Variants in NADSYN1 observed in about 807,000 individuals in gnomAD.
NADSYN1 encodes the protein NAD synthetase 1, also known as glutamine-dependent NAD(+) synthetase.
Under a neutral mutation model 99.3 loss-of-function variants are expected in NADSYN1, and 80 were observed. That is an observed-to-expected ratio of 0.81 (90% CI 0.67 to 0.97). The LOEUF (loss-of-function observed/expected upper bound fraction) is 0.97. Among genes scored for constraint, NADSYN1 ranks in the 50% least tolerant of loss-of-function variants. The pLI, the probability that NADSYN1 is intolerant of heterozygous loss-of-function variation, is 0.00. For missense variants in NADSYN1, 859 were observed against 948.5 expected, an observed-to-expected ratio of 0.91 and a Z score of 1.24; for synonymous variants, 385 against 372.1, an observed-to-expected ratio of 1.03 and a Z score of -0.40.
intron 3 of NADSYN1, among the ~76,000 whole-genome samples, chr11:71,463,105 A>G (rs760989031): frequency 2.6e-5 from 4 of 152,212 alleles, no homozygotes; most frequent in Middle Eastern, 3.4e-3. Flanking sequence ...AGCATAAGGC[A>G]ATTTGGAAGG....
At chr11:71,476,975 G>A in intron 9 of NADSYN1, 1 of 1,024,866 alleles carries the variant, frequency 9.8e-7, no homozygotes, top group Non-Finnish European at 1.2e-6. Context: ...CCACAGGCCT[G>A]CTGTATTCAG....
At chr11:71,477,504 C>A in intron 9 of NADSYN1, 1 of 1,233,794 alleles carries the variant, frequency 8.1e-7, no homozygotes. Flanking sequence ...ATCCTGTGAA[C>A]CGCCGCAGTG....
chr11:71,454,611 C>T (rs1218663718), intron 1 of NADSYN1, among the ~76,000 whole-genome samples: 1 of 152,214 alleles, frequency 6.6e-6, no homozygotes, highest in East Asian at 1.9e-4. Flanking sequence ...ACTAAGTTTC[C>T]ACTCTGCCAG....
intron 18 of NADSYN1, among the ~76,000 whole-genome samples, chr11:71,494,157 C>A (rs1949803576): frequency 6.6e-6 from 1 of 152,196 alleles, no homozygotes; most frequent in South Asian, 2.1e-4. Flanking sequence ...TCCCATTCAC[C>A]CACCCCTCAC....
chr11:71,501,315 A>G lies in NADSYN1; in HGVS notation c.2084A>G (p.Glu695Gly). Residue 695 changes from glutamate to glycine, a missense_variant, in exon 21 of 21, where the codon GAG (glutamate) becomes GGG (glycine). By Grantham distance (98) the Glu-to-Gly change is moderately conservative. Coordinates refer to ENST00000319023, the MANE Select transcript of NADSYN1 (RefSeq NM_018161.5). ...RCIENQVLQL[E>G]RAEPQSLDGV... ...CTCTCTTTCCAGGTGCTACAGCTCG[A>G]GAGGGCAGAGCCACAGTCCCTGGAC... is the stretch of plus-strand genomic sequence containing the variant. 6.2e-7 allele frequency: 1 copy of G among 1,600,660 alleles called. No individual in the cohort carries two copies.
intron 18 of NADSYN1, among the ~76,000 whole-genome samples, chr11:71,493,011 C>G (rs995570636): frequency 6.6e-6 from 1 of 152,042 alleles, no homozygotes; most frequent in Non-Finnish European, 1.5e-5. Context: ...CCTCAGCCTC[C>G]GGAGTAGCTG....
Position 71,481,365 on chromosome 11 carries a change from T to G in NADSYN1, c.1008T>G (p.Pro336=). 6.2e-7 allele frequency: 1 copy of G among 1,614,080 alleles called. No individual in the cohort carries two copies. The highest frequency in any genetic ancestry group is 8.5e-7 in the Non-Finnish European group (1 of 1,180,030). Residue 336 remains proline, a synonymous_variant, in exon 12 of 21, where the codon CCT becomes CCG. Transcript: ENST00000319023. The part of the protein sequence containing the change: ...HSPEEEISLG[P]ACWLWDFLRR... Reference sequence around the variant, plus strand: ...TCTGATTGCCCTGCAGCCTTGGACCTGCCTGCTGGCTCTGGGATTTTTTAA... The same window carrying G: ...TCTGATTGCCCTGCAGCCTTGGACCGGCCTGCTGGCTCTGGGATTTTTTAA...
Position 71,491,103 on chromosome 11 carries a change from A to G in NADSYN1, c.1694+127A>G, listed in dbSNP as rs1949775964. 5 of 1,313,936 alleles carry G rather than the reference A, an allele frequency of 3.8e-6. No individual in the cohort carries two copies. The African/African-American group carries it at 4.4e-5, about 12-fold the overall frequency. The allele number at this position is 1,313,936 out of a possible 1,614,324, so 81.4% of individuals were successfully genotyped here. The stretch of plus-strand genomic sequence containing the variant: ...TGCCTGCTGAATGGTCCTGCCCCTG[A>G]GCTGGCACTTGAGGCCTGCAACCAA... On this transcript the variant is annotated intron_variant, in intron 17 of 20. Transcript: ENST00000319023.
chr11:71,474,429 G>T lies in NADSYN1; in HGVS notation c.701G>T (p.Gly234Val), dbSNP rs776994851. 6.2e-7 allele frequency: 1 copy of T among 1,614,208 alleles called. No individual in the cohort carries two copies. The part of the protein sequence containing the change: ...GGIYLLANQK[G>V]CDGDRLYYDG... Reference sequence around the variant, plus strand: ...ATTTACTTGCTGGCCAACCAGAAGGGTTGTGACGGGGACCGCCTGTACTAC... The same window carrying T: ...ATTTACTTGCTGGCCAACCAGAAGGTTTGTGACGGGGACCGCCTGTACTAC... Residue 234 changes from glycine (G) to valine (V), a missense_variant, in exon 9 of 21, where the codon GGT (glycine) becomes GTT (valine). Gly to Val is a moderately radical substitution (Grantham distance 109). Coordinates refer to ENST00000319023, the MANE Select transcript of NADSYN1 (RefSeq NM_018161.5).
At chr11:71,458,666 C>T (rs1949529209) in intron 3 of NADSYN1, 122 bp downstream of exon 3, 2 of 717,418 alleles carry the variant, frequency 2.8e-6, no homozygotes, top group Non-Finnish European at 4.9e-6. Context: ...ATACGAAAGG[C>T]CTTATGCTTG....
At chr11:71,478,361 A>G in intron 9 of NADSYN1, 34 bp from the exon 10 acceptor site, 1 of 1,542,334 alleles carries the variant, frequency 6.5e-7, no homozygotes, top group South Asian at 1.2e-5. Flanking sequence ...ACAAACGGGA[A>G]ATCACGGGTT....
chr11:71,498,322 C>T, intron 19 of NADSYN1, 30 bp from the exon 20 acceptor site: 1 of 1,612,010 alleles, frequency 6.2e-7, no homozygotes, highest in East Asian at 2.2e-5. Context: ...GTTTTGGTAA[C>T]ATGAAGCTCG....
rs745714604 is a variant in NADSYN1, at chr11:71,490,836, TCC to T, written c.1563-7_1563-6del. 6.2e-7 allele frequency: 1 copy of T among 1,613,946 alleles called. No homozygotes were observed. The highest frequency in any genetic ancestry group is 1.3e-5 in the African/African-American group (1 of 75,028). On this transcript the variant is annotated splice_region_variant and splice_polypyrimidine_tract_variant and intron_variant, in intron 16 of 20. Coordinates refer to ENST00000319023, the MANE Select transcript of NADSYN1 (RefSeq NM_018161.5). The stretch of plus-strand genomic sequence containing the variant: ...TGGGAACCCGCGCTCTTTCTCCCTC[TCC>T]CTGCAGTCTCCTGGGCTACCTGACC...
In NADSYN1 at chr11:71,469,927, G is replaced by GAAAAAAAAAAAAAAA. The variant is rs749801544; in HGVS notation, c.408-2519_408-2505dup. On this transcript the variant is annotated intron_variant, in intron 5 of 20. Transcript: ENST00000319023. ...GAAGACAGAACAAGAGCCTGTCTCA[G>GAAAAAAAAAAAAAAA]AAAAAAAAAAAAAAAAAGACGTGTG... is the stretch of plus-strand genomic sequence containing the variant. 2.9e-4 allele frequency among the ~76,000 whole-genome samples: 32 copies of GAAAAAAAAAAAAAAA among 109,136 alleles called. 1 individual carries two copies. Among genetic ancestry groups the GAAAAAAAAAAAAAAA allele is most frequent in the African/African-American group, 5.8e-4 (15 of 25,992 alleles). The allele number at this position is 109,136 out of a possible 152,430, so 71.6% of individuals were successfully genotyped here.
chr11:71,485,492 C>G (rs1565604782), intron 15 of NADSYN1, 50 bp from the exon 16 acceptor site: 1 of 1,412,384 alleles, frequency 7.1e-7, no homozygotes, highest in Non-Finnish European at 9.7e-7. Flanking sequence ...TGCGTCTCCC[C>G]CGTGTTCCTT....
rs148938812 is a variant in NADSYN1 at position 71,490,977 on chromosome 11, G to C, written c.1694+1G>C. 2 of 1,614,056 alleles carry C rather than the reference G, an allele frequency of 1.2e-6. No homozygotes were observed. The highest frequency in any genetic ancestry group is 1.3e-5 in the African/African-American group (1 of 75,048). On this transcript the variant is annotated splice_donor_variant, in intron 17 of 20. Transcript: ENST00000319023. LOFTEE classifies it high-confidence loss of function. ...GCTTCCAGCTTCCTGCCCTGCAGAG[G>C]TGAGTGTGCTCACGGGCTGTGGCTC...
rs530855470 is a variant in NADSYN1 at position 71,475,146 on chromosome 11, C to T, written c.798+620C>T. The T allele has an allele frequency of 4.3e-5, 7 of 164,522 alleles. No homozygotes were observed. In the South Asian group the frequency reaches 1.1e-3, roughly 25 times the overall value. The allele number at this position is 164,522 out of a possible 1,614,324, so 10.2% of individuals were successfully genotyped here. On this transcript the variant is annotated intron_variant, in intron 9 of 20. Transcript: ENST00000319023. ...TTTGAAATTAGCAGGCTCCATGGCC[C>T]CTGAGACAGGTCCAGGGATCCCATG...
chr11:71,470,516 G>A (rs1027541525), intron 5 of NADSYN1, among the ~76,000 whole-genome samples: 2 of 152,144 alleles, frequency 1.3e-5, no homozygotes, highest in East Asian at 1.9e-4. Context: ...TGTGTGCCTT[G>A]GTACTCTTTT....
At chr11:71,487,647 C>T (rs1342046982) in intron 16 of NADSYN1, among the ~76,000 whole-genome samples, 2 of 151,580 alleles carry the variant, frequency 1.3e-5, no homozygotes, top group African/African-American at 4.8e-5. Context: ...CTGGCTAACA[C>T]GGTGAAACCC....
Sources: allele counts gnomAD v4.1 joint callset (sites outside exome capture counted in the v4.1 genomes callset), GRCh38; gene constraint gnomAD v4.1.1; transcripts MANE v1.5; gene names NCBI Gene and HGNC (gene_info 2026-07-23, HGNC 2026-07-21).